BICD1: variants seen among roughly 807,000 people sequenced by gnomAD.
BICD1 encodes the protein BICD cargo adaptor 1.
BICD1 carries 35 observed loss-of-function variants against 92.5 expected under a neutral mutation model. The observed-to-expected ratio is 0.38, with a 90% CI of 0.29 to 0.50. BICD1 has a LOEUF of 0.50. Among genes scored for constraint, BICD1 ranks in the 20% least tolerant of loss-of-function variants. The pLI, the probability that BICD1 is intolerant of heterozygous loss-of-function variation, is 0.93. For missense variants in BICD1, 950 were observed against 1,189.8 expected (o/e 0.80, Z 2.97); for synonymous variants, 429 against 465.1 (o/e 0.92, Z 1.00).
At chr12:32,142,453 C>CCTATCTATCCTATCTATCTATCTATCTAT (rs1942965133) in intron 1 of BICD1, among the ~76,000 whole-genome samples, 1 of 112,882 alleles carries the variant, frequency 8.9e-6, no homozygotes, top group Non-Finnish European at 1.7e-5. Context: ...ACCTATCTAT[C>CCTATCTATCCTATCTATCTATCTATCTAT]CTATCTATCT....
rs76794173 is a variant in BICD1, at chr12:32,228,099, T to C, written c.426+11640T>C. Reference sequence around the variant, plus strand: ...CACATGGACGTAGGACATTAGGATGTTCTTGGTGTTCTTGATCACTCTGCC... The same window carrying C: ...CACATGGACGTAGGACATTAGGATGCTCTTGGTGTTCTTGATCACTCTGCC... On this transcript the variant is annotated intron_variant, in intron 2 of 9. Transcript: ENST00000652176. 9.2e-3 allele frequency: 1,965 copies of C among 214,512 alleles called. 24 individuals carry two copies. Among genetic ancestry groups the C allele is most frequent in the African/African-American group, 0.033 (1,448 of 43,468 alleles). The allele number at this position is 214,512 out of a possible 1,614,324, so 13.3% of individuals were successfully genotyped here. A position where few individuals can be genotyped will look rare whatever the true frequency, so the allele number is the denominator to read the frequency against.
At chr12:32,135,440 A>C (rs1341232921) in intron 1 of BICD1, among the ~76,000 whole-genome samples, 1 of 118,052 alleles carries the variant, frequency 8.5e-6, no homozygotes, top group East Asian at 2.5e-4. Context: ...TTGCGCTGTC[A>C]CCTAGGCTGG....
chr12:32,252,897 G>C (rs942593163), intron 2 of BICD1, among the ~76,000 whole-genome samples: 7 of 152,010 alleles, frequency 4.6e-5, no homozygotes, highest in Admixed American at 2.6e-4. Context: ...TTTGAGACAG[G>C]GTCTTACTCT....
intron 8 of BICD1, chr12:32,339,878 T>G: frequency 1.1e-6 from 1 of 948,266 alleles, no homozygotes; most frequent in Non-Finnish European, 1.3e-6. Flanking sequence ...TCTGGCCTCT[T>G]TTGGAAGATT....
At chr12:32,248,358 A>G (rs326644) in intron 2 of BICD1, among the ~76,000 whole-genome samples, 65,316 of 152,010 alleles carry the variant, frequency 0.43, 14,228 homozygotes, top group Non-Finnish European at 0.47. Context: ...AACAGTTCAT[A>G]TCAGGATTTT....
At chr12:32,167,064 G>A (rs774036023) in intron 1 of BICD1, among the ~76,000 whole-genome samples, 14 of 152,144 alleles carry the variant, frequency 9.2e-5, no homozygotes, top group Non-Finnish European at 1.3e-4. Context: ...ACCATAACAC[G>A]TATTGCCTTT....
At chr12:32,215,286 C>T (rs1248274854) in intron 1 of BICD1, among the ~76,000 whole-genome samples, 1 of 152,156 alleles carries the variant, frequency 6.6e-6, no homozygotes, top group Non-Finnish European at 1.5e-5. Flanking sequence ...CCACCTCATC[C>T]CTTCTGTCAC....
intron 1 of BICD1, among the ~76,000 whole-genome samples, chr12:32,189,854 A>G (rs1944517878): frequency 6.6e-6 from 1 of 151,964 alleles, no homozygotes; most frequent in Non-Finnish European, 1.5e-5. Flanking sequence ...ACGCACCACC[A>G]TGCCAGGCTA....
rs201240851 is a variant in BICD1, at chr12:32,327,486, T to C, written c.1031T>C (p.Leu344Ser). 5.6e-6 allele frequency: 9 copies of C among 1,603,656 alleles called. No homozygotes were observed. Among genetic ancestry groups the C allele is most frequent in the Non-Finnish European group, 7.7e-6 (9 of 1,173,754 alleles). The change falls in exon 5 of 10, where the codon TTG becomes TCG. Residue 344 changes from leucine (L) to serine (S), a missense_variant. Physicochemically the swap from Leu to Ser is moderately radical, Grantham distance 145. This residue lies in a region of BICD1 where 246 missense variants were observed against 258.4 expected (regional missense o/e 0.95). Coordinates refer to ENST00000652176, the MANE Select transcript of BICD1 (RefSeq NM_001714.4). ...MQVEREKAIL[L>S]ANLQESQTQL... ...GTAGAGCGGGAAAAGGCCATTCTTT[T>C]GGCCAACCTACAGGAGTCACAGACA...
At chr12:32,252,508 TCA>T (rs1946593571) in intron 2 of BICD1, among the ~76,000 whole-genome samples, 1 of 152,158 alleles carries the variant, frequency 6.6e-6, no homozygotes, top group African/African-American at 2.4e-5. Context: ...GAGACTATTC[TCA>T]GAGTTTGGGA....
intron 1 of BICD1, among the ~76,000 whole-genome samples, chr12:32,123,391 C>T (rs1031935933): frequency 1.3e-5 from 2 of 152,166 alleles, no homozygotes; most frequent in African/African-American, 4.8e-5. Context: ...GCACTTTTTC[C>T]TTCATTGAGA....
chr12:32,296,133 G>A (rs956403476), intron 3 of BICD1, among the ~76,000 whole-genome samples: 4 of 148,534 alleles, frequency 2.7e-5, no homozygotes, highest in African/African-American at 9.8e-5. Context: ...CCATTCCAGA[G>A]GCTCCCCAGG....
intron 3 of BICD1, among the ~76,000 whole-genome samples, chr12:32,299,706 A>T (rs991266850): frequency 1.3e-5 from 2 of 152,134 alleles, no homozygotes; most frequent in Non-Finnish European, 2.9e-5. Flanking sequence ...AAAACAATTT[A>T]AAAAATGAGG....
intron 1 of BICD1, among the ~76,000 whole-genome samples, chr12:32,118,040 G>A (rs1176044480): frequency 7.9e-5 from 9 of 113,422 alleles, no homozygotes; most frequent in Non-Finnish European, 1.5e-4. Context: ...GTGAGCCATC[G>A]CACCGGCCCG....
At chr12:32,201,054 TC>T (rs1173885193) in intron 1 of BICD1, among the ~76,000 whole-genome samples, 3 of 152,220 alleles carry the variant, frequency 2.0e-5, no homozygotes, top group Non-Finnish European at 4.4e-5. Flanking sequence ...AACTGCAAGA[TC>T]AGGAATCGTC....
chr12:32,320,587 T>G (rs1466696447), intron 4 of BICD1, among the ~76,000 whole-genome samples: 2 of 151,928 alleles, frequency 1.3e-5, no homozygotes, highest in Non-Finnish European at 2.9e-5. Flanking sequence ...GTTGCAGTGA[T>G]CCAAGATCAC....
intron 4 of BICD1, among the ~76,000 whole-genome samples, chr12:32,311,629 T>G (rs1420421928): frequency 3.9e-5 from 6 of 152,348 alleles, no homozygotes; most frequent in South Asian, 2.1e-4. Flanking sequence ...TCTGAAGGCG[T>G]GGGATCAATG....
Position 32,275,751 on chromosome 12 carries a change from C to G in BICD1, c.427-18243C>G, listed in dbSNP as rs531543064. On this transcript the variant is annotated intron_variant, in intron 2 of 9. Coordinates refer to ENST00000652176, the MANE Select transcript of BICD1 (RefSeq NM_001714.4). Reference sequence around the variant, plus strand: ...GGTGTCCGCTGTGCTCCTGATCCAGCGAGACTCCCATTGCCACTCCCGATT... The same window carrying G: ...GGTGTCCGCTGTGCTCCTGATCCAGGGAGACTCCCATTGCCACTCCCGATT... 1.2e-4 allele frequency among the ~76,000 whole-genome samples: 18 copies of G among 152,220 alleles called. No homozygotes were observed. In the East Asian group the frequency reaches 3.1e-3, roughly 26 times the overall value.
At chr12:32,262,403 A>C (rs1174660952) in intron 2 of BICD1, among the ~76,000 whole-genome samples, 1 of 152,096 alleles carries the variant, frequency 6.6e-6, no homozygotes, top group Non-Finnish European at 1.5e-5. Context: ...TGTCTTCACC[A>C]TCCGTTCCTT....
Sources: allele counts gnomAD v4.1 joint callset (sites outside exome capture counted in the v4.1 genomes callset), GRCh38; gene constraint gnomAD v4.1.1; regional missense constraint gnomAD v4.1.1; transcripts MANE v1.5; gene names NCBI Gene and HGNC (gene_info 2026-07-23, HGNC 2026-07-21).